The following EMCN variants were observed in gnomAD, a reference collection of about 807,000 sequenced individuals.
EMCN encodes the protein endomucin, also known as MUC-14.
Under a neutral mutation model 38.4 loss-of-function variants are expected in EMCN, and 37 were observed. That is an observed-to-expected ratio of 0.96 (90% confidence interval 0.74 to 1.27). The LOEUF (loss-of-function observed/expected upper bound fraction) is 1.27, where lower values mean the gene tolerates loss of function less well. EMCN is among the 50% of genes most tolerant of loss of function. The pLI is 0.00. For missense variants in EMCN, 318 were observed against 302.8 expected (o/e 1.05, Z -0.37); for synonymous variants, 95 against 100.8 (o/e 0.94, Z 0.35).
chr4:100,460,383 T>G (rs991613209), intron 4 of EMCN, among the ~76,000 whole-genome samples: 17 of 152,190 alleles, frequency 1.1e-4, no homozygotes, highest in Non-Finnish European at 2.4e-4. Context: ...GGTGTATTAG[T>G]CTGTTCTCAC....
intron 4 of EMCN, among the ~76,000 whole-genome samples, chr4:100,450,459 A>T (rs1055499087): frequency 2.0e-5 from 3 of 152,012 alleles, no homozygotes; most frequent in Non-Finnish European, 4.4e-5. Context: ...GATATTTTGA[A>T]CTAACAGACT....
In EMCN at chr4:100,474,503, A is replaced by G. The variant is rs191533266; in HGVS notation, c.259+535T>C. 2.7e-3 allele frequency among the ~76,000 whole-genome samples: 409 copies of G among 152,334 alleles called. 7 individuals carry two copies. The highest frequency in any genetic ancestry group is 8.5e-4 in the Non-Finnish European group (58 of 68,022). The stretch of plus-strand genomic sequence containing the variant: ...TTAGCAATTCGGCCTCAAGACATAT[A>G]CTTAAGAGAAATGAAAAACGTAGGC... On this transcript the variant is annotated intron_variant, in intron 3 of 11. Transcript: ENST00000296420.
At chr4:100,493,964 A>G (rs1560639769) in intron 1 of EMCN, among the ~76,000 whole-genome samples, 1 of 152,198 alleles carries the variant, frequency 6.6e-6, no homozygotes, top group Non-Finnish European at 1.5e-5. Context: ...ATACCTACAG[A>G]GTAGAGGATT....
At chr4:100,429,368 G>T (rs1343295682) in intron 5 of EMCN, among the ~76,000 whole-genome samples, 1 of 152,004 alleles carries the variant, frequency 6.6e-6, no homozygotes, top group African/African-American at 2.4e-5. Context: ...CTAACTTTAG[G>T]GTTTTAGATT....
chr4:100,486,406 A>G (rs1337841045), intron 1 of EMCN, among the ~76,000 whole-genome samples: 1 of 152,248 alleles, frequency 6.6e-6, no homozygotes, highest in African/African-American at 2.4e-5. Context: ...CCCATTTACA[A>G]TGAAAACATC....
At chr4:100,456,634 T>G (rs1374591036) in intron 4 of EMCN, among the ~76,000 whole-genome samples, 2 of 152,186 alleles carry the variant, frequency 1.3e-5, no homozygotes, top group African/African-American at 4.8e-5. Flanking sequence ...TCTTTTAGTT[T>G]TTTTTTTGTT....
chr4:100,445,081 T>C (rs996370473), intron 5 of EMCN, among the ~76,000 whole-genome samples: 2 of 152,178 alleles, frequency 1.3e-5, no homozygotes, highest in Non-Finnish European at 2.9e-5. Flanking sequence ...CTGTTTCCTA[T>C]GTGGCCATCC....
chr4:100,448,826 C>CCTTCCTTCCTTCTTT (rs1179151604), intron 4 of EMCN, among the ~76,000 whole-genome samples: 3,046 of 139,262 alleles, frequency 0.022, 205 homozygotes, highest in East Asian at 0.17. Flanking sequence ...CTTCCTTCCT[C>CCTTCCTTCCTTCTTT]CCTCCCTCCC....
intron 4 of EMCN, among the ~76,000 whole-genome samples, chr4:100,449,641 C>G (rs1727783274): frequency 6.6e-6 from 1 of 152,066 alleles, no homozygotes; most frequent in Non-Finnish European, 1.5e-5. Flanking sequence ...TCTTGGTAGA[C>G]TTCACTGAGA....
At chr4:100,432,817 C>T (rs1387560770) in intron 5 of EMCN, among the ~76,000 whole-genome samples, 1 of 151,992 alleles carries the variant, frequency 6.6e-6, no homozygotes, top group Non-Finnish European at 1.5e-5. Flanking sequence ...TTTGATCTCT[C>T]ATTTTAAAAC....
At chr4:100,486,666 T>G (rs1320878922) in intron 1 of EMCN, among the ~76,000 whole-genome samples, 1 of 151,996 alleles carries the variant, frequency 6.6e-6, no homozygotes, top group Non-Finnish European at 1.5e-5. Flanking sequence ...GGGGAGGGAG[T>G]GCCAAGCCTG....
intron 4 of EMCN, among the ~76,000 whole-genome samples, chr4:100,448,134 C>T (rs975939435): frequency 6.6e-6 from 1 of 152,016 alleles, no homozygotes; most frequent in Non-Finnish European, 1.5e-5. Context: ...CAGACAGATA[C>T]TTTTAAAATG....
intron 1 of EMCN, among the ~76,000 whole-genome samples, chr4:100,501,789 T>C (rs1437396678): frequency 6.6e-6 from 1 of 152,064 alleles, no homozygotes; most frequent in African/African-American, 2.4e-5. Context: ...GTTGCATCAA[T>C]AGAAATACAA....
At chr4:100,461,647 AG>A (rs1432339003) in intron 4 of EMCN, among the ~76,000 whole-genome samples, 1 of 152,176 alleles carries the variant, frequency 6.6e-6, no homozygotes, top group Non-Finnish European at 1.5e-5. Context: ...CCCCTCTAAA[AG>A]AATGGGAAAA....
At chr4:100,448,534 C>T (rs993688677) in intron 4 of EMCN, among the ~76,000 whole-genome samples, 21 of 152,150 alleles carry the variant, frequency 1.4e-4, no homozygotes, top group African/African-American at 4.8e-4. Flanking sequence ...TCACCCTTAT[C>T]AGCTCTAGTT....
intron 1 of EMCN, among the ~76,000 whole-genome samples, chr4:100,492,173 C>G (rs966369051): frequency 6.6e-6 from 1 of 151,778 alleles, no homozygotes; most frequent in Non-Finnish European, 1.5e-5. Flanking sequence ...TTAAATGAAA[C>G]AATACAATAC....
At chr4:100,416,091 C>CATGT (rs144411699) in intron 9 of EMCN, 132 bp from the exon 10 acceptor site, 8 of 472,670 alleles carry the variant, frequency 1.7e-5, no homozygotes, top group African/African-American at 1.7e-4. Flanking sequence ...TATATATATA[C>CATGT]GTGTGTGTGT....
intron 11 of EMCN, among the ~76,000 whole-genome samples, chr4:100,399,751 A>AT (rs796290451): frequency 1.3e-5 from 2 of 151,904 alleles, no homozygotes; most frequent in African/African-American, 4.8e-5. Context: ...TAAATGACTT[A>AT]TTTTTTTATT....
intron 1 of EMCN, among the ~76,000 whole-genome samples, chr4:100,492,369 A>T (rs940061170): frequency 6.6e-6 from 1 of 152,158 alleles, no homozygotes; most frequent in Non-Finnish European, 1.5e-5. Flanking sequence ...AGCAAAAAGA[A>T]AAAAGAATGA....
Sources: allele counts gnomAD v4.1 joint callset (sites outside exome capture counted in the v4.1 genomes callset), GRCh38; gene constraint gnomAD v4.1.1; transcripts MANE v1.5; gene names NCBI Gene and HGNC (gene_info 2026-07-23, HGNC 2026-07-21).